TBL1X: variants seen among roughly 807,000 people sequenced by gnomAD.
TBL1X encodes transducin beta like 1 X-linked.
A neutral mutation model predicts 50.7 loss-of-function variants in TBL1X; 10 were observed. The observed-to-expected ratio is 0.20, with a 90% CI of 0.12 to 0.33. The LOEUF (loss-of-function observed/expected upper bound fraction) is 0.33. Among genes scored for constraint, TBL1X ranks in the 10% least tolerant of loss-of-function variants. The pLI is 1.00. For missense variants in TBL1X, 340 were observed against 504.4 expected, an observed-to-expected ratio of 0.67 and a Z score of 3.12; for synonymous variants, 190 against 214.7, an observed-to-expected ratio of 0.88 and a Z score of 1.01.
At chrX:9,651,212 TTTG>T (rs1212553031) in intron 3 of TBL1X, among the ~76,000 whole-genome samples, 5 of 109,891 alleles carry the variant, frequency 4.5e-5, no homozygotes, top group African/African-American at 1.7e-4. Flanking sequence ...GTTTGTTTGT[TTTG>T]TTTTGTTTTT....
chrX:9,658,782 G>C (rs150640902), intron 5 of TBL1X, among the ~76,000 whole-genome samples: 32 of 111,482 alleles, frequency 2.9e-4, no homozygotes, highest in African/African-American at 1.0e-3. Context: ...TCAGGGGAAA[G>C]GGAGGTACTA....
At chrX:9,532,195 A>C (rs184811396) in intron 2 of TBL1X, among the ~76,000 whole-genome samples, 4 of 111,747 alleles carry the variant, frequency 3.6e-5, no homozygotes, top group Admixed American at 9.5e-5. Context: ...TCTCTGTCCA[A>C]GCCTGCACTG....
At chrX:9,476,162 C>G (rs540638180) in intron 1 of TBL1X, among the ~76,000 whole-genome samples, 1 of 112,236 alleles carries the variant, frequency 8.9e-6, no homozygotes, top group Non-Finnish European at 1.9e-5. Context: ...TTTTTACTAT[C>G]TAGATTGATG....
At chrX:9,715,877 C>T (rs141565699) in intron 17 of TBL1X, among the ~76,000 whole-genome samples, 1,813 of 112,085 alleles carry the variant, frequency 0.016, 40 homozygotes, top group African/African-American at 0.055. Context: ...GAGTAGTCCC[C>T]AAATGTTGTC....
At position 9,683,170 on chromosome X, in the gene TBL1X, C is replaced by T. The variant is rs1428375477; in HGVS notation, c.212-873C>T. Among the ~76,000 whole-genome samples the T allele has an allele frequency of 2.7e-5, 3 of 111,884 alleles. No individual in the cohort carries two copies. In the Admixed American group the frequency reaches 2.8e-4, roughly 11 times the overall value. On this transcript the variant is annotated intron_variant, in intron 5 of 17. Coordinates refer to ENST00000645353, the MANE Select transcript of TBL1X (RefSeq NM_005647.4). The stretch of plus-strand genomic sequence containing the variant: ...CTCTCTCTCCTTGATGAAGGGCTGT[C>T]GCAGCTTCCTCATCACCCCCAGACC...
At chrX:9,700,328 T>C (rs765560624) in intron 12 of TBL1X, among the ~76,000 whole-genome samples, 15 of 112,117 alleles carry the variant, frequency 1.3e-4, no homozygotes, top group Admixed American at 1.3e-3. Context: ...TAAACATCAA[T>C]AAGGTTCCTC....
intron 2 of TBL1X, among the ~76,000 whole-genome samples, chrX:9,595,760 A>G (rs990040302): frequency 2.7e-5 from 3 of 112,349 alleles, no homozygotes; most frequent in Non-Finnish European, 5.6e-5. Flanking sequence ...TGTCACCAGT[A>G]AAAGAATTTA....
chrX:9,485,516 G>C (rs915750279), intron 1 of TBL1X, among the ~76,000 whole-genome samples: 3 of 111,682 alleles, frequency 2.7e-5, no homozygotes, highest in African/African-American at 9.8e-5. Context: ...CTCAAACCAT[G>C]ACACTCCCCC....
chrX:9,653,502 GAC>G, intron 3 of TBL1X, 41 bp from the exon 4 acceptor site: 2 of 838,076 alleles, frequency 2.4e-6, no homozygotes, highest in Non-Finnish European at 3.4e-6. Context: ...AAACACAAAT[GAC>G]AGAGGTGCTC....
At chrX:9,528,135 A>G in intron 2 of TBL1X, among the ~76,000 whole-genome samples, 1 of 110,768 alleles carries the variant, frequency 9.0e-6, no homozygotes. Context: ...ATGAAACAGT[A>G]ACTCCCCATT....
At chrX:9,702,440 T>C (rs1275901639) in intron 12 of TBL1X, among the ~76,000 whole-genome samples, 1 of 70,631 alleles carries the variant, frequency 1.4e-5, no homozygotes, top group Non-Finnish European at 2.5e-5. Flanking sequence ...AGATCCTGTC[T>C]CAAAAAAAAA....
intron 1 of TBL1X, among the ~76,000 whole-genome samples, chrX:9,488,807 G>GC (rs1373006397): frequency 9.0e-6 from 1 of 110,831 alleles, no homozygotes; most frequent in Non-Finnish European, 1.9e-5. Flanking sequence ...GTACTGTTGA[G>GC]CCATTTGGTT....
At chrX:9,667,130 C>T (rs907276662) in intron 5 of TBL1X, among the ~76,000 whole-genome samples, 1 of 111,432 alleles carries the variant, frequency 9.0e-6, no homozygotes, top group African/African-American at 3.3e-5. Context: ...GGCGTGGTGG[C>T]GGGCGCCTGT....
At chrX:9,474,728 T>G in intron 1 of TBL1X, among the ~76,000 whole-genome samples, 1 of 113,071 alleles carries the variant, frequency 8.8e-6, no homozygotes, top group Non-Finnish European at 1.9e-5. Flanking sequence ...TCAGCTGATT[T>G]CATTGACGGA....
chrX:9,718,465 C>T lies in TBL1X; in HGVS notation c.*2219C>T, dbSNP rs988528080. 1 of 111,886 alleles carries T rather than the reference C, an allele frequency of 8.9e-6. No individual in the cohort carries two copies. The highest frequency in any genetic ancestry group is 3.3e-5 in the African/African-American group (1 of 30,752). 9.2% of individuals were successfully genotyped at this position (111,886 alleles called of 1,213,427 possible). On this transcript the variant is annotated 3_prime_UTR_variant, in exon 18 of 18. Coordinates refer to ENST00000645353, the MANE Select transcript of TBL1X (RefSeq NM_005647.4). ...CACAGTGATGTGGAGTCGCCGCACCCATCTTTGAAGATAGCCAGTGTCCCT... is the reference window on the plus strand; with the variant it reads ...CACAGTGATGTGGAGTCGCCGCACCTATCTTTGAAGATAGCCAGTGTCCCT...
intron 6 of TBL1X, among the ~76,000 whole-genome samples, chrX:9,687,172 T>C (rs1257195427): frequency 8.9e-6 from 1 of 112,218 alleles, no homozygotes; most frequent in African/African-American, 3.2e-5. Flanking sequence ...GCTGTATTTT[T>C]AAACGTGTGT....
chrX:9,630,012 C>T (rs1009882480), intron 2 of TBL1X, among the ~76,000 whole-genome samples: 3 of 110,648 alleles, frequency 2.7e-5, no homozygotes, highest in Admixed American at 9.6e-5. Flanking sequence ...CATGACTTCC[C>T]GGTGTTATCT....
intron 12 of TBL1X, among the ~76,000 whole-genome samples, chrX:9,699,138 G>C (rs1201425651): frequency 7.2e-5 from 8 of 111,344 alleles, no homozygotes; most frequent in Non-Finnish European, 5.7e-5. Context: ...GCACCACCAA[G>C]CCCAGCTAAT....
chrX:9,548,534 G>A (rs2082256385), intron 2 of TBL1X, among the ~76,000 whole-genome samples: 1 of 112,223 alleles, frequency 8.9e-6, no homozygotes, highest in South Asian at 3.7e-4. Context: ...AAGCGTGAAA[G>A]TTGAGACCGT....
Sources: allele counts gnomAD v4.1 joint callset (sites outside exome capture counted in the v4.1 genomes callset), GRCh38; gene constraint gnomAD v4.1.1; transcripts MANE v1.5; gene names NCBI Gene and HGNC (gene_info 2026-07-23, HGNC 2026-07-21).